KCNQ2: variants seen among roughly 807,000 people sequenced by gnomAD.
KCNQ2 encodes potassium voltage-gated channel subfamily KQT member 2.
KCNQ2 carries 14 observed loss-of-function variants against 84.8 expected under a neutral mutation model. The observed-to-expected ratio is 0.17, with a 90% confidence interval of 0.11 to 0.26. KCNQ2 has a LOEUF of 0.26. Among genes scored for constraint, KCNQ2 ranks in the 10% least tolerant of loss-of-function variants. The pLI is 1.00. For synonymous variants in KCNQ2, 599 were observed against 554.1 expected, an observed-to-expected ratio of 1.08 and a Z score of -1.14; for missense variants, 788 against 1,254.0, an observed-to-expected ratio of 0.63 and a Z score of 5.61.
chr20:63,445,816 G>A (rs1470149045), intron 2 of KCNQ2, among the ~76,000 whole-genome samples: 3 of 143,876 alleles, frequency 2.1e-5, no homozygotes, highest in Admixed American at 6.9e-5. Context: ...TGTCTGAGCT[G>A]GGGGACCCTG....
intron 5 of KCNQ2, 140 bp downstream of exon 5, chr20:63,442,266 A>G (rs1329689638): frequency 5.2e-6 from 5 of 963,708 alleles, no homozygotes; most frequent in Non-Finnish European, 7.5e-6. Flanking sequence ...CCTCGACCAC[A>G]AGCCATCATG....
intron 8 of KCNQ2, among the ~76,000 whole-genome samples, chr20:63,432,439 GAT>G: frequency 2.8e-5 from 4 of 145,018 alleles, no homozygotes; most frequent in African/African-American, 5.2e-5. Context: ...CTCAGGGAAG[GAT>G]CCACCCACAG....
rs974871946 is a variant in KCNQ2 at position 63,404,680 on chromosome 20, G to A, written c.*1964C>T. ...ACCCCAGGCTCGAGCCAGCCCAAGG[G>A]AGACAGCAAGGGCACCGCCGTGAAA... On this transcript the variant is annotated 3_prime_UTR_variant, in exon 17 of 17. Transcript: ENST00000359125. The A allele has an allele frequency of 6.6e-6, 1 of 152,332 alleles. No homozygotes were observed. The highest frequency in any genetic ancestry group is 1.5e-5 in the Non-Finnish European group (1 of 68,110). 9.4% of individuals were successfully genotyped at this position (152,332 alleles called of 1,614,324 possible). A position where few individuals can be genotyped will look rare whatever the true frequency, so the allele number is the denominator to read the frequency against.
chr20:63,414,305 C>T lies in KCNQ2; in HGVS notation c.1526-112G>A, dbSNP rs921708233. ...GCGCCAGGGAGCCCCTCGAGGCTCC[C>T]TGTGGTGCCCCTCGGGTGCACCTGC... On this transcript the variant is annotated intron_variant, in intron 13 of 16. Coordinates refer to ENST00000359125, the MANE Select transcript of KCNQ2 (RefSeq NM_172107.4). The surrounding 1 kb of genome is among the most constrained non-coding windows in gnomAD (Gnocchi z 6.6). 12 of 761,834 alleles carry T rather than the reference C, an allele frequency of 1.6e-5. No homozygotes were observed. The East Asian group carries it at 2.7e-4, about 17-fold the overall frequency. The allele number at this position is 761,834 out of a possible 1,614,324, so 47.2% of individuals were successfully genotyped here. A position where few individuals can be genotyped will look rare whatever the true frequency, so the allele number is the denominator to read the frequency against.
At chr20:63,410,013 T>C (rs1352078189) in intron 15 of KCNQ2, 7 of 283,742 alleles carry the variant, frequency 2.5e-5, no homozygotes, top group Admixed American at 1.0e-4. Flanking sequence ...CTTCTTTCTG[T>C]TGCGAGAAAC....
At chr20:63,450,010 C>T (rs1168011618) in intron 1 of KCNQ2, among the ~76,000 whole-genome samples, 2 of 152,166 alleles carry the variant, frequency 1.3e-5, no homozygotes, top group Admixed American at 6.6e-5. Flanking sequence ...CACAACCCTG[C>T]GCTGCCTGCG....
rs778421925 is a variant in KCNQ2 at position 63,438,765 on chromosome 20, C to A, written c.928-45G>T. Reference sequence around the variant, plus strand: ...GGTCACACCCCAGGGACCCCCCACACCCCAATTCATCAGGGTCAGACCATG... The same window carrying A: ...GGTCACACCCCAGGGACCCCCCACAACCCAATTCATCAGGGTCAGACCATG... On this transcript the variant is annotated intron_variant, in intron 6 of 16. Transcript: ENST00000359125. The surrounding 1 kb of genome is among the most constrained non-coding windows in gnomAD (Gnocchi z 5.1). 1.3e-6 allele frequency: 2 copies of A among 1,557,222 alleles called. No homozygotes were observed. The highest frequency in any genetic ancestry group is 1.8e-6 in the Non-Finnish European group (2 of 1,133,752).
chr20:63,411,035 G>T (rs914239092), intron 15 of KCNQ2: 1 of 456,262 alleles, frequency 2.2e-6, no homozygotes, highest in South Asian at 1.5e-5. Flanking sequence ...GCCAGCTCAC[G>T]TGGAGCTGGG....
intron 11 of KCNQ2, among the ~76,000 whole-genome samples, chr20:63,421,946 C>T (rs2080483866): frequency 6.6e-6 from 1 of 152,320 alleles, no homozygotes; most frequent in African/African-American, 2.4e-5. Context: ...GAACCGAGCC[C>T]CCGCCAGCCG....
chr20:63,466,159 G>A (rs963569890), intron 1 of KCNQ2, among the ~76,000 whole-genome samples: 3 of 152,264 alleles, frequency 2.0e-5, no homozygotes, highest in Admixed American at 6.5e-5. Flanking sequence ...CAAACTACCC[G>A]GCACACACAG....
chr20:63,445,755 A>G lies in KCNQ2; in HGVS notation c.388-391T>C, dbSNP rs1455993391. On this transcript the variant is annotated intron_variant, in intron 2 of 16. Transcript: ENST00000359125. ...TGTCTGAGCTGGGAGGCCCTGTCTGAGCTGGGGGACCCTGTCTGAGCTGGG... is the reference window on the plus strand; with the variant it reads ...TGTCTGAGCTGGGAGGCCCTGTCTGGGCTGGGGGACCCTGTCTGAGCTGGG... Among the ~76,000 whole-genome samples the G allele has an allele frequency of 3.9e-4, 56 of 143,616 alleles. 1 individual carries two copies. In the South Asian group the frequency reaches 5.4e-3, roughly 14 times the overall value. 94.2% of individuals were successfully genotyped at this position (143,616 alleles called of 152,430 possible). A position where few individuals can be genotyped will look rare whatever the true frequency, so the allele number is the denominator to read the frequency against.
chr20:63,424,151 C>T (rs1371115934), intron 11 of KCNQ2, 26 bp downstream of exon 11: 1 of 1,553,930 alleles, frequency 6.4e-7, no homozygotes, highest in Non-Finnish European at 8.7e-7. Flanking sequence ...ACGGCAGACA[C>T]CAGGGTAGCA....
intron 9 of KCNQ2, among the ~76,000 whole-genome samples, chr20:63,430,153 A>T (rs1046507916): frequency 3.9e-5 from 6 of 152,204 alleles, no homozygotes; most frequent in Admixed American, 2.0e-4. Context: ...GAACACACAG[A>T]GCAGCAGCGC....
chr20:63,462,331 G>A (rs1014438330), intron 1 of KCNQ2, among the ~76,000 whole-genome samples: 4 of 150,586 alleles, frequency 2.7e-5, no homozygotes, highest in African/African-American at 7.4e-5. Context: ...CAGGCAGCAG[G>A]GAGGAGGCTG....
In KCNQ2 at chr20:63,406,798, G is replaced by A. The variant is rs796052661; in HGVS notation, c.2465C>T (p.Ala822Val). 9 of 1,612,504 alleles carry A rather than the reference G, an allele frequency of 5.6e-6. No individual in the cohort carries two copies. Among genetic ancestry groups the A allele is most frequent in the Admixed American group, 1.7e-5 (1 of 59,994 alleles). Reference protein sequence around the residue: ...ENLDALNSCYAAVAPCAKVRP... With the variant: ...ENLDALNSCYVAVAPCAKVRP... ...GACTTTGGCACAAGGCGCCACGGCC[G>A]CGTAGCAGCTGTTGAGAGCATCCAG... The change falls in exon 17 of 17, where the codon GCG (alanine) becomes GTG (valine). Residue 822 changes from alanine (A) to valine (V), a missense_variant. Physicochemically the swap from Ala to Val is moderately conservative, Grantham distance 64. Transcript: ENST00000359125.
chr20:63,401,968 C>T lies in KCNQ2; in HGVS notation c.*4676G>A. 5.5e-6 allele frequency: 1 copy of T among 181,458 alleles called. No homozygotes were observed. Among genetic ancestry groups the T allele is most frequent in the South Asian group, 7.5e-5 (1 of 13,260 alleles). 11.2% of individuals were successfully genotyped at this position (181,458 alleles called of 1,614,324 possible). The stretch of plus-strand genomic sequence containing the variant: ...CTGCTGGGCACCCTCCACGGCAGGT[C>T]CAAGCCTCATGAGCCATCTCTCTCC... On this transcript the variant is annotated 3_prime_UTR_variant, in exon 17 of 17. Transcript: ENST00000359125.
chr20:63,457,554 AG>A (rs936894290), intron 1 of KCNQ2, among the ~76,000 whole-genome samples: 2 of 149,722 alleles, frequency 1.3e-5, no homozygotes, highest in Admixed American at 6.6e-5. Context: ...AGGCGCTCTC[AG>A]GGGGCTCTCG....
At position 63,442,585 on chromosome 20, in the gene KCNQ2, TCAC is replaced by T. The variant is rs1281399238; in HGVS notation, c.691-57_691-55del. On this transcript the variant is annotated intron_variant, in intron 4 of 16. Transcript: ENST00000359125. ...ACCACCATCACCAGAAGCATCACCA[TCAC>T]CACCACCAACACCACCACCATCACA... is the stretch of plus-strand genomic sequence containing the variant. 186 of 1,580,182 alleles carry T rather than the reference TCAC, an allele frequency of 1.2e-4. 1 individual carries two copies. Among genetic ancestry groups the T allele is most frequent in the South Asian group, 5.2e-4 (47 of 90,148 alleles).
At chr20:63,436,704 GCA>G (rs1324490416) in intron 7 of KCNQ2, among the ~76,000 whole-genome samples, 2 of 151,946 alleles carry the variant, frequency 1.3e-5, no homozygotes, top group African/African-American at 4.8e-5. Flanking sequence ...GAAAGTACGT[GCA>G]GTGTTTTACT....
Sources: allele counts gnomAD v4.1 joint callset (sites outside exome capture counted in the v4.1 genomes callset), GRCh38; gene constraint gnomAD v4.1.1; non-coding constraint Gnocchi (gnomAD v3.1); transcripts MANE v1.5; gene names NCBI Gene and HGNC (gene_info 2026-07-23, HGNC 2026-07-21).